KIF15: variants seen among roughly 807,000 people sequenced by gnomAD.
The protein encoded by KIF15 is kinesin family member 15, also known as kinesin-like protein KIF15.
KIF15 carries 140 observed loss-of-function variants against 190.6 expected under a neutral mutation model. That is an observed-to-expected ratio of 0.73 (90% CI 0.64 to 0.84). KIF15 has a LOEUF of 0.84. Ranked by LOEUF, KIF15 falls within the 40% of genes least tolerant of loss-of-function variation. The probability of loss-of-function intolerance (pLI) is 0.00; values close to 1 mark genes in which losing one functional copy is unlikely to be tolerated. For missense variants in KIF15, 1,372 were observed against 1,584.4 expected (o/e 0.87, Z 2.28); for synonymous variants, 528 against 551.3 (o/e 0.96, Z 0.59).
Position 44,797,874 on chromosome 3 carries a change from A to G in KIF15, c.1016A>G (p.Asn339Ser), listed in dbSNP as rs1707068580. The G allele has an allele frequency of 1.2e-6, 2 of 1,613,872 alleles. No homozygotes were observed. The highest frequency in any genetic ancestry group is 4.5e-5 in the East Asian group (2 of 44,878). ...AATGCCAAAACAGCCATAATTGCAA[A>G]TGTTCATCCTGGATCCAGGTGTTTT... ...GGNAKTAIIA[N>S]VHPGSRCFGE... Residue 339 changes from asparagine (N) to serine (S), a missense_variant, in exon 10 of 35, where the codon AAT (asparagine) becomes AGT (serine). Coordinates refer to ENST00000326047, the MANE Select transcript of KIF15 (RefSeq NM_020242.3).
At chr3:44,844,542 G>GA (rs1238521340) in intron 30 of KIF15, among the ~76,000 whole-genome samples, 2 of 152,148 alleles carry the variant, frequency 1.3e-5, no homozygotes, top group African/African-American at 4.8e-5. Context: ...TTTGTAAAAT[G>GA]AAAATTTAAA....
chr3:44,811,362 G>GA (rs1324955938), intron 17 of KIF15, among the ~76,000 whole-genome samples: 1 of 152,160 alleles, frequency 6.6e-6, no homozygotes, highest in Non-Finnish European at 1.5e-5. Context: ...AAAGTTAAAA[G>GA]AGGCCGGGTG....
chr3:44,855,942 T>C (rs2125735870), downstream of KIF15, among the ~76,000 whole-genome samples: 1 of 152,194 alleles, frequency 6.6e-6, no homozygotes, highest in Admixed American at 6.5e-5. Context: ...AGGCTGAGCT[T>C]GGTGAGGTGT....
chr3:44,823,733 C>T (rs1022813926), intron 20 of KIF15, among the ~76,000 whole-genome samples: 2 of 152,224 alleles, frequency 1.3e-5, no homozygotes, highest in Non-Finnish European at 2.9e-5. Flanking sequence ...ATGGCCCTCC[C>T]CCTGCCAGGC....
intron 1 of KIF15, among the ~76,000 whole-genome samples, chr3:44,769,637 C>A (rs1705561493): frequency 6.6e-6 from 1 of 152,150 alleles, no homozygotes; most frequent in African/African-American, 2.4e-5. Flanking sequence ...TGCTTTTTAA[C>A]TTCTGTTACC....
At chr3:44,804,087 A>T (rs1707389022) in intron 14 of KIF15, among the ~76,000 whole-genome samples, 1 of 152,102 alleles carries the variant, frequency 6.6e-6, no homozygotes, top group Admixed American at 6.6e-5. Context: ...GCTTCAAATG[A>T]TCCACCCACT....
intron 20 of KIF15, among the ~76,000 whole-genome samples, chr3:44,821,368 G>A (rs35885794): frequency 0.2 from 29,978 of 151,406 alleles, 4,494 homozygotes; most frequent in East Asian, 0.77. Context: ...CTTCTCAGAC[G>A]GGGCGGCTTC....
chr3:44,800,353 C>T lies in KIF15; in HGVS notation c.1138C>T (p.Leu380Phe), dbSNP rs767828242. The change falls in exon 11 of 35, where the codon CTC (leucine) becomes TTC (phenylalanine). Residue 380 changes from leucine (L) to phenylalanine (F), a missense_variant. Coordinates refer to ENST00000326047, the MANE Select transcript of KIF15 (RefSeq NM_020242.3). ...AGACACCCAAGGAAATGTGAGCCAGCTCCAAGCTGAAGTGAAGAGGCTCAA... is the reference window on the plus strand; with the variant it reads ...AGACACCCAAGGAAATGTGAGCCAGTTCCAAGCTGAAGTGAAGAGGCTCAA... Reference protein sequence around the residue: ...NEDTQGNVSQLQAEVKRLKEQ... With the variant: ...NEDTQGNVSQFQAEVKRLKEQ... 4.0e-5 allele frequency: 65 copies of T among 1,614,044 alleles called. No individual in the cohort carries two copies. The highest frequency in any genetic ancestry group is 5.3e-5 in the Non-Finnish European group (63 of 1,179,998).
chr3:44,832,010 GAA>G (rs2125701108), intron 26 of KIF15, among the ~76,000 whole-genome samples: 1 of 152,258 alleles, frequency 6.6e-6, no homozygotes, highest in South Asian at 2.1e-4. Flanking sequence ...AAAGATGATT[GAA>G]AAACACTGTT....
At chr3:44,803,783 GAAT>G (rs1221497217) in intron 14 of KIF15, among the ~76,000 whole-genome samples, 1 of 152,134 alleles carries the variant, frequency 6.6e-6, no homozygotes, top group Admixed American at 6.5e-5. Flanking sequence ...TGACTGAATA[GAAT>G]AATAAGAGTC....
Position 44,802,894 on chromosome 3 carries a change from A to T in KIF15, c.1590A>T (p.Leu530Phe). 1 of 1,612,774 alleles carries T rather than the reference A, an allele frequency of 6.2e-7. No individual in the cohort carries two copies. Among genetic ancestry groups the T allele is most frequent in the Non-Finnish European group, 8.5e-7 (1 of 1,179,724 alleles). Residue 530 changes from leucine (L) to phenylalanine (F), a missense_variant, in exon 14 of 35, where the codon TTA becomes TTT. By Grantham distance (22) the Leu-to-Phe change is conservative. Transcript: ENST00000326047. ...AGGAGAATAGAAGACTGAGATTATT[A>T]GAGCCTGTGAAAAGAGCTCAAGAAA... Reference protein sequence around the residue: ...LREENRRLRLLEPVKRAQEMD... With the variant: ...LREENRRLRLFEPVKRAQEMD...
rs778232015 is a variant in KIF15, at chr3:44,838,445, C to T, written c.3318+24C>T. ...AGGTGAGAAACACACAGGTGTCACT[C>T]AAGATGGGAGACAAGAGACCAAGTG... On this transcript the variant is annotated intron_variant, in intron 27 of 34. Coordinates refer to ENST00000326047, the MANE Select transcript of KIF15 (RefSeq NM_020242.3). 2.1e-5 allele frequency: 33 copies of T among 1,603,024 alleles called. No homozygotes were observed. In the South Asian group the frequency reaches 3.6e-4, roughly 17 times the overall value.
In KIF15 at chr3:44,841,546, C is replaced by T. The variant is rs148857766; in HGVS notation, c.3585+308C>T. ...CCGAGTAGCTGGGACTACAGGCGCC[C>T]GCCACCACACTCGGCTAATTTTTTG... On this transcript the variant is annotated intron_variant, in intron 29 of 34. Coordinates refer to ENST00000326047, the MANE Select transcript of KIF15 (RefSeq NM_020242.3). Among the ~76,000 whole-genome samples the T allele has an allele frequency of 5.6e-3, 854 of 151,920 alleles. 3 individuals are homozygous for T. Among genetic ancestry groups the T allele is most frequent in the Middle Eastern group, 0.02 (6 of 294 alleles).
rs574220923 is a variant in KIF15 at position 44,851,833 on chromosome 3, C to T, written c.3853C>T (p.Leu1285Phe). Residue 1285 changes from leucine (L) to phenylalanine (F), a missense_variant, in exon 33 of 35, where the codon CTT becomes TTT. By Grantham distance (22) the Leu-to-Phe change is conservative. Coordinates refer to ENST00000326047, the MANE Select transcript of KIF15 (RefSeq NM_020242.3). The stretch of plus-strand genomic sequence containing the variant: ...CCTTTACAACAAAGAGATGGAATGC[C>T]TTAGAATGACTGATGAAGTCGAACG... ...SALYNKEMEC[L>F]RMTDEVERTQ... 10 of 1,613,896 alleles carry T rather than the reference C, an allele frequency of 6.2e-6. No homozygotes were observed. In the South Asian group the frequency reaches 9.9e-5, roughly 16 times the overall value.
chr3:44,791,053 T>A (rs1706675590), intron 7 of KIF15, among the ~76,000 whole-genome samples: 1 of 152,224 alleles, frequency 6.6e-6, no homozygotes, highest in African/African-American at 2.4e-5. Flanking sequence ...TTTTAACTGC[T>A]CATGACAGTA....
intron 10 of KIF15, among the ~76,000 whole-genome samples, chr3:44,798,193 T>C (rs1005726294): frequency 6.6e-6 from 1 of 151,956 alleles, no homozygotes; most frequent in Non-Finnish European, 1.5e-5. Context: ...GACACAGTCT[T>C]GCTGTGTCAC....
intron 14 of KIF15, 117 bp downstream of exon 14, chr3:44,803,108 CT>C: frequency 1.4e-6 from 1 of 699,278 alleles, no homozygotes; most frequent in Non-Finnish European, 2.2e-6. Context: ...ATGCTAATGT[CT>C]TATACACATA....
intron 10 of KIF15, among the ~76,000 whole-genome samples, chr3:44,798,422 G>C (rs1460598934): frequency 6.6e-6 from 1 of 151,810 alleles, no homozygotes; most frequent in Non-Finnish European, 1.5e-5. Context: ...CTAGAGTGCA[G>C]TGGTGCGATC....
intron 20 of KIF15, among the ~76,000 whole-genome samples, chr3:44,821,090 C>A (rs1708264035): frequency 6.8e-6 from 1 of 146,132 alleles, no homozygotes; most frequent in African/African-American, 2.6e-5. Flanking sequence ...TGACCCCCCC[C>A]ACCTCCCTCC....
Sources: gnomAD v4.1 joint callset for allele counts (sites outside exome capture counted in the v4.1 genomes callset) on GRCh38, gnomAD v4.1.1 for gene constraint, MANE v1.5 for transcripts, NCBI Gene and HGNC (gene_info 2026-07-23, HGNC 2026-07-21) for gene names.